The following EFR3B variants were observed in gnomAD, a reference collection of about 807,000 sequenced individuals.
The protein encoded by EFR3B is protein EFR3 homolog B.
In EFR3B, 64 loss-of-function variants were observed where a neutral mutation model predicts 104.7. The observed-to-expected ratio is 0.61, with a 90% CI of 0.50 to 0.75. The LOEUF is 0.75. Ranked by LOEUF, EFR3B falls within the 30% of genes least tolerant of loss-of-function variation. The probability of loss-of-function intolerance (pLI) is 0.00; values close to 1 mark genes in which losing one functional copy is unlikely to be tolerated. For missense variants in EFR3B, 750 were observed against 1,078.5 expected (o/e 0.70, Z 4.27); for synonymous variants, 385 against 417.9 (o/e 0.92, Z 0.96).
At chr2:25,144,667 A>G (rs1670765349) in intron 18 of EFR3B, among the ~76,000 whole-genome samples, 1 of 152,238 alleles carries the variant, frequency 6.6e-6, no homozygotes, top group Non-Finnish European at 1.5e-5. Flanking sequence ...TTAGCAGATC[A>G]TGCTTACACA....
chr2:25,109,994 T>C (rs1669680500), intron 4 of EFR3B, among the ~76,000 whole-genome samples: 1 of 151,968 alleles, frequency 6.6e-6, no homozygotes, highest in Admixed American at 6.6e-5. Flanking sequence ...ACCCAGCAGG[T>C]TGGGGGGAGG....
intron 20 of EFR3B, among the ~76,000 whole-genome samples, chr2:25,151,408 A>T (rs2149214891): frequency 6.6e-6 from 1 of 152,200 alleles, no homozygotes; most frequent in African/African-American, 2.4e-5. Flanking sequence ...GGCATATGCC[A>T]CCACGCCTGG....
chr2:25,067,592 G>A (rs1008714262), intron 1 of EFR3B, among the ~76,000 whole-genome samples: 24 of 151,754 alleles, frequency 1.6e-4, no homozygotes, highest in Non-Finnish European at 2.4e-4. Context: ...CTGCCACCCC[G>A]CCTGGCTAAT....
intron 5 of EFR3B, 117 bp from the exon 6 acceptor site, chr2:25,128,066 C>T (rs1670214805): frequency 2.5e-6 from 3 of 1,217,288 alleles, no homozygotes; most frequent in Admixed American, 2.3e-5. Context: ...CTCCATTCTG[C>T]CTTCTGATGG....
chr2:25,064,997 C>A (rs1232347284), intron 1 of EFR3B, among the ~76,000 whole-genome samples: 1 of 152,098 alleles, frequency 6.6e-6, no homozygotes, highest in Admixed American at 6.6e-5. Context: ...GCAGTTCACC[C>A]CTAGCCCAGG....
intron 1 of EFR3B, chr2:25,080,152 C>G: frequency 7.5e-7 from 1 of 1,335,412 alleles, no homozygotes; most frequent in Non-Finnish European, 1.1e-6. Context: ...GTGCATGATT[C>G]TTCAAAAAAT....
chr2:25,084,968 T>G (rs781450468), intron 1 of EFR3B, among the ~76,000 whole-genome samples: 1 of 152,182 alleles, frequency 6.6e-6, no homozygotes, highest in Non-Finnish European at 1.5e-5. Context: ...GCCCCAAGAT[T>G]TATTTTCCTT....
chr2:25,111,184 C>T (rs986325243), intron 4 of EFR3B, among the ~76,000 whole-genome samples: 1 of 152,226 alleles, frequency 6.6e-6, no homozygotes, highest in African/African-American at 2.4e-5. Flanking sequence ...TGTGTCCCAC[C>T]TTTACAGATG....
Position 25,133,026 on chromosome 2 carries a change from A to G in EFR3B, c.1259+12A>G. On this transcript the variant is annotated intron_variant, in intron 11 of 22. Transcript: ENST00000403714. The stretch of plus-strand genomic sequence containing the variant: ...ACAGGCAGGACGGGGTGAGCCACCA[A>G]TCTCCCCCAGCCTGGAGTCCTCCTC... 3 of 1,547,856 alleles carry G rather than the reference A, an allele frequency of 1.9e-6. No individual in the cohort carries two copies. The highest frequency in any genetic ancestry group is 2.4e-5 in the East Asian group (1 of 40,840).
chr2:25,159,000 G>A lies in EFR3B; in HGVS notation c.*4660G>A, dbSNP rs892088860. 1.3e-5 allele frequency: 2 copies of A among 152,176 alleles called. No individual in the cohort carries two copies. The highest frequency in any genetic ancestry group is 4.8e-5 in the African/African-American group (2 of 41,440). 9.4% of individuals were successfully genotyped at this position (152,176 alleles called of 1,614,324 possible). ...ATTGAATTGGTTAGTTTTATTTTAG[G>A]GAAGTGGGAAAGGCGGAGTGGGGGG... On this transcript the variant is annotated 3_prime_UTR_variant, in exon 23 of 23. Transcript: ENST00000403714.
chr2:25,043,774 C>G lies in EFR3B; in HGVS notation c.7+1455C>G, dbSNP rs577469278. 9.0e-5 allele frequency among the ~76,000 whole-genome samples: 13 copies of G among 145,214 alleles called. No individual in the cohort carries two copies. The South Asian group carries it at 2.7e-3, about 30-fold the overall frequency. On this transcript the variant is annotated intron_variant, in intron 1 of 22. Transcript: ENST00000403714. ...GTATGTGTGTATTTTTTTACTCTCT[C>G]TGTTTTCCCCCTCTTCTTTTCTGCA...
chr2:25,139,739 A>G (rs1670612520), intron 16 of EFR3B, among the ~76,000 whole-genome samples: 1 of 152,186 alleles, frequency 6.6e-6, no homozygotes, highest in Non-Finnish European at 1.5e-5. Flanking sequence ...TCCTTTGCTG[A>G]ACAAATTTTA....
chr2:25,060,595 T>C (rs1233545929), intron 1 of EFR3B, among the ~76,000 whole-genome samples: 2 of 152,068 alleles, frequency 1.3e-5, no homozygotes, highest in African/African-American at 4.8e-5. Flanking sequence ...CAAATGGGCT[T>C]TTCACCTTGG....
At chr2:25,073,936 G>C in intron 1 of EFR3B, among the ~76,000 whole-genome samples, 1 of 152,058 alleles carries the variant, frequency 6.6e-6, no homozygotes, top group East Asian at 1.9e-4. Context: ...CTTTCCATGA[G>C]AAACATCAGT....
chr2:25,147,487 C>G (rs1311172641), intron 19 of EFR3B: 1 of 152,218 alleles, frequency 6.6e-6, no homozygotes, highest in African/African-American at 2.4e-5. Context: ...CTCTCCTACT[C>G]AAACAAAAAT....
chr2:25,106,456 A>T (rs1006090849), intron 4 of EFR3B, among the ~76,000 whole-genome samples: 1 of 129,728 alleles, frequency 7.7e-6, no homozygotes, highest in Admixed American at 7.9e-5. Context: ...TGCCCAGCTA[A>T]TTTTTTTTTT....
chr2:25,125,617 G>A (rs757869161), intron 5 of EFR3B, among the ~76,000 whole-genome samples: 8 of 152,082 alleles, frequency 5.3e-5, no homozygotes, highest in Non-Finnish European at 4.4e-5. Context: ...ACAGTTCCTC[G>A]GTAAGACCCA....
chr2:25,123,243 T>C lies in EFR3B; in HGVS notation c.485+1449T>C, dbSNP rs563738891. 2.6e-5 allele frequency among the ~76,000 whole-genome samples: 4 copies of C among 151,728 alleles called. No individual in the cohort carries two copies. The South Asian group carries it at 6.3e-4, about 24-fold the overall frequency. On this transcript the variant is annotated intron_variant, in intron 5 of 22. Transcript: ENST00000403714. ...GGCATGACTGCACGTGCCTGTATTC[T>C]CAGCTACTTAGGAGGCAGAGGTGGG...
intron 1 of EFR3B, among the ~76,000 whole-genome samples, chr2:25,059,689 G>A (rs1668132570): frequency 6.6e-6 from 1 of 151,450 alleles, no homozygotes; most frequent in Non-Finnish European, 1.5e-5. Flanking sequence ...AGTGTGAATG[G>A]ACTTCATGCC....
Sources: allele counts gnomAD v4.1 joint callset (sites outside exome capture counted in the v4.1 genomes callset), GRCh38; gene constraint gnomAD v4.1.1; transcripts MANE v1.5; gene names NCBI Gene and HGNC (gene_info 2026-07-23, HGNC 2026-07-21).